The following CFAP418 variants were observed in gnomAD, a reference collection of about 807,000 sequenced individuals.
The protein encoded by CFAP418 is cilia- and flagella-associated protein 418.
A neutral mutation model predicts 24.7 loss-of-function variants in CFAP418; 27 were observed. The observed-to-expected ratio is 1.09, with a 90% CI of 0.81 to 1.51. The LOEUF (loss-of-function observed/expected upper bound fraction) is 1.51, where lower values mean the gene tolerates loss of function less well. CFAP418 is among the 40% of genes most tolerant of loss of function. The pLI is 0.00. For synonymous variants in CFAP418, 74 were observed against 87.3 expected (o/e 0.85, Z 0.85); for missense variants, 257 against 255.2 (o/e 1.01, Z -0.05).
chr8:95,251,519 A>G (rs967077953), intron 5 of CFAP418, among the ~76,000 whole-genome samples: 1 of 152,176 alleles, frequency 6.6e-6, no homozygotes, highest in African/African-American at 2.4e-5. Context: ...ATGCTAAGGA[A>G]TTTGGACATT....
chr8:95,255,696 T>C (rs1162931995), intron 4 of CFAP418, among the ~76,000 whole-genome samples: 2 of 152,268 alleles, frequency 1.3e-5, no homozygotes, highest in East Asian at 1.9e-4. Context: ...GTGGTTAATA[T>C]GTGTTTGATG....
At chr8:95,262,559 A>G (rs985723823) in intron 2 of CFAP418, among the ~76,000 whole-genome samples, 3 of 152,202 alleles carry the variant, frequency 2.0e-5, no homozygotes, top group Non-Finnish European at 2.9e-5. Context: ...TTTCTTTTAA[A>G]TCTAACAGAT....
chr8:95,248,333 G>A (rs947986995), intron 5 of CFAP418, among the ~76,000 whole-genome samples: 7 of 152,094 alleles, frequency 4.6e-5, no homozygotes, highest in Admixed American at 6.5e-5. Flanking sequence ...AATTACAAAC[G>A]CCCTATCAGA....
chr8:95,251,469 T>C (rs1164056667), intron 5 of CFAP418, among the ~76,000 whole-genome samples: 2 of 152,134 alleles, frequency 1.3e-5, no homozygotes, highest in Non-Finnish European at 2.9e-5. Flanking sequence ...AGCTGGATGA[T>C]GGATGGATGG....
intron 2 of CFAP418, 57 bp from the exon 3 acceptor site, chr8:95,260,589 A>G: frequency 1.0e-6 from 1 of 973,050 alleles, no homozygotes; most frequent in East Asian, 2.7e-5. Context: ...CTGTAACATG[A>G]AAACTAATAT....
chr8:95,248,448 G>T (rs542810088), intron 5 of CFAP418, among the ~76,000 whole-genome samples: 3 of 152,174 alleles, frequency 2.0e-5, no homozygotes, highest in Non-Finnish European at 4.4e-5. Flanking sequence ...CAAGTTGAGA[G>T]AACATTAGAG....
chr8:95,260,957 T>G (rs1016905766), intron 2 of CFAP418, among the ~76,000 whole-genome samples: 6 of 152,210 alleles, frequency 3.9e-5, no homozygotes, highest in African/African-American at 1.4e-4. Flanking sequence ...GAATTAAAAT[T>G]AACCAAGCTC....
chr8:95,260,602 C>T (rs1382409140), intron 2 of CFAP418, 70 bp from the exon 3 acceptor site: 2 of 813,208 alleles, frequency 2.5e-6, no homozygotes, highest in Non-Finnish European at 3.8e-6. Context: ...ACTAATATTC[C>T]TTATAACAAG....
chr8:95,264,163 C>T (rs75193401), intron 1 of CFAP418, among the ~76,000 whole-genome samples: 1,694 of 152,214 alleles, frequency 0.011, 11 homozygotes, highest in East Asian at 0.034. Context: ...GACTTTTCCC[C>T]TAAAGGTTGC....
chr8:95,255,480 A>G (rs888526137), intron 4 of CFAP418, among the ~76,000 whole-genome samples: 1 of 152,174 alleles, frequency 6.6e-6, no homozygotes, highest in African/African-American at 2.4e-5. Context: ...CTGACCCTTC[A>G]TATTAGTTAG....
intron 4 of CFAP418, among the ~76,000 whole-genome samples, chr8:95,258,207 C>T (rs1269546320): frequency 6.6e-6 from 1 of 151,458 alleles, no homozygotes; most frequent in African/African-American, 2.4e-5. Flanking sequence ...ATAGTGAAAC[C>T]CCGTCTCTAC....
In CFAP418 at chr8:95,247,547, T is replaced by A. The variant is rs1811641050; in HGVS notation, c.*70A>T. 1.3e-6 allele frequency: 2 copies of A among 1,575,404 alleles called. No homozygotes were observed. ...GGAATGGTATTGCTAGGGACTATTGTCTAAACATGATGATGATTCATGGAG... is the reference window on the plus strand; with the variant it reads ...GGAATGGTATTGCTAGGGACTATTGACTAAACATGATGATGATTCATGGAG... On this transcript the variant is annotated 3_prime_UTR_variant, in exon 6 of 6. Coordinates refer to ENST00000286688, the MANE Select transcript of CFAP418 (RefSeq NM_177965.4).
intron 1 of CFAP418, among the ~76,000 whole-genome samples, chr8:95,265,727 G>A (rs1811967694): frequency 6.6e-6 from 1 of 152,112 alleles, no homozygotes; most frequent in African/African-American, 2.4e-5. Context: ...GCTTACATAA[G>A]ATTCTGGTCT....
At chr8:95,259,357 G>T (rs191357215) in intron 4 of CFAP418, among the ~76,000 whole-genome samples, 373 of 152,298 alleles carry the variant, frequency 2.4e-3, no homozygotes, top group Middle Eastern at 6.8e-3. Context: ...GTGAGAAAGT[G>T]GAGGCAGGAA....
At chr8:95,259,063 G>A (rs1241359744) in intron 4 of CFAP418, among the ~76,000 whole-genome samples, 3 of 152,066 alleles carry the variant, frequency 2.0e-5, no homozygotes, top group Non-Finnish European at 4.4e-5. Flanking sequence ...CCAGAAATGT[G>A]GTCAACATGC....
At chr8:95,260,588 G>T in intron 2 of CFAP418, 56 bp from the exon 3 acceptor site, 1 of 983,796 alleles carries the variant, frequency 1.0e-6, no homozygotes, top group Non-Finnish European at 1.5e-6. Flanking sequence ...ACTGTAACAT[G>T]AAAACTAATA....
chr8:95,247,860 TTTTC>T, intron 5 of CFAP418, 90 bp from the exon 6 acceptor site: 1 of 1,346,964 alleles, frequency 7.4e-7, no homozygotes, highest in Non-Finnish European at 1.0e-6. Context: ...CTTTCTTTTC[TTTTC>T]TTTTTTTGTT....
intron 3 of CFAP418, 71 bp from the exon 4 acceptor site, chr8:95,259,976 T>G: frequency 7.3e-7 from 1 of 1,378,884 alleles, no homozygotes; most frequent in Non-Finnish European, 9.9e-7. Context: ...TTGGCCATGT[T>G]AAAAAAATTT....
chr8:95,268,998 C>A (rs750989225), intron 1 of CFAP418, 37 bp downstream of exon 1: 1 of 1,602,046 alleles, frequency 6.2e-7, no homozygotes, highest in South Asian at 1.1e-5. Context: ...TGGAGCAGGG[C>A]TTTACCAGAA....
Sources: gnomAD v4.1 joint callset for allele counts (sites outside exome capture counted in the v4.1 genomes callset) on GRCh38, gnomAD v4.1.1 for gene constraint, MANE v1.5 for transcripts, NCBI Gene and HGNC (gene_info 2026-07-23, HGNC 2026-07-21) for gene names.